Variants in SRRT observed in about 807,000 individuals in gnomAD.
SRRT encodes serrate RNA effector molecule homolog.
SRRT carries 32 observed loss-of-function variants against 103.2 expected under a neutral mutation model. That is an observed-to-expected ratio of 0.31 (90% confidence interval 0.23 to 0.42). SRRT has a LOEUF of 0.42. Among genes scored for constraint, SRRT ranks in the 10% least tolerant of loss-of-function variants. SRRT has a pLI of 1.00. For synonymous variants in SRRT, 525 were observed against 449.0 expected (o/e 1.17, Z -2.14); for missense variants, 986 against 1,207.5 (o/e 0.82, Z 2.72).
chr7:100,886,973 C>T lies in SRRT; in HGVS notation c.1821+5C>T. 1.9e-6 allele frequency: 3 copies of T among 1,609,680 alleles called. No individual in the cohort carries two copies. The highest frequency in any genetic ancestry group is 2.2e-5 in the South Asian group (2 of 90,850). On this transcript the variant is annotated splice_donor_5th_base_variant and intron_variant, in intron 14 of 19. Transcript: ENST00000611405. ...CGGGATGAGAAGTTGATTAAGGTGC[C>T]AGTGGCAGCGCGGGGCACGTGGGGG...
chr7:100,884,277 CATGGGG>C (rs1563018701), intron 6 of SRRT, 38 bp downstream of exon 6: 1 of 1,613,770 alleles, frequency 6.2e-7, no homozygotes, highest in East Asian at 2.2e-5. Flanking sequence ...ATCTGGGCCC[CATGGGG>C]GTGGGGGTGT....
Position 100,888,369 on chromosome 7 carries a change from G to A in SRRT, c.2541G>A (p.Gly847=), listed in dbSNP as rs773302361. ...TCCGAGGCCAGGGAGGTTATCCTGG[G>A]AAACCTCGCAACAGGTGAGGAGGGC... ...DAFRGQGGYP[G]KPRNRMVRGD... The change falls in exon 19 of 20, where the codon GGG becomes GGA. Residue 847 remains glycine (G), a synonymous_variant. Transcript: ENST00000611405. 4 of 1,613,862 alleles carry A rather than the reference G, an allele frequency of 2.5e-6. No individual in the cohort carries two copies. The African/African-American group carries it at 4.0e-5, about 16-fold the overall frequency.
rs1229967805 is a variant in SRRT at position 100,884,815 on chromosome 7, G to A, written c.1018G>A (p.Asp340Asn). The change falls in exon 8 of 20, where the codon GAC (aspartate) becomes AAC (asparagine). Residue 340 changes from aspartate (D) to asparagine (N), a missense_variant. Asp to Asn is a conservative substitution (Grantham distance 23). Coordinates refer to ENST00000611405, the MANE Select transcript of SRRT (RefSeq NM_015908.6). ...GDGDKEEKKE[D>N]SEKEAKKSSK... is the part of the protein sequence containing the mutation. ...TGGGGACAAGGAAGAGAAGAAAGAA[G>A]ACTCCGAGAAGGAAGCCAAAAAGGT... The A allele has an allele frequency of 6.2e-7, 1 of 1,614,030 alleles. No homozygotes were observed. Among genetic ancestry groups the A allele is most frequent in the South Asian group, 1.1e-5 (1 of 91,072 alleles).
intron 13 of SRRT, 123 bp downstream of exon 13, chr7:100,886,558 C>A: frequency 1.8e-6 from 2 of 1,118,264 alleles, no homozygotes; most frequent in South Asian, 3.1e-5. Context: ...ACTCATTTGC[C>A]CCTTCGTGTG....
chr7:100,887,402 G>C lies in SRRT; in HGVS notation c.2058G>C (p.Gln686His). The C allele has an allele frequency of 6.2e-7, 1 of 1,614,236 alleles. No individual in the cohort carries two copies. Among genetic ancestry groups the C allele is most frequent in the African/African-American group, 1.3e-5 (1 of 75,060 alleles). Residue 686 changes from glutamine (Q) to histidine (H), a missense_variant, in exon 16 of 20, where the codon CAG (glutamine) becomes CAC (histidine). By Grantham distance (24) the Gln-to-His change is conservative. Coordinates refer to ENST00000611405, the MANE Select transcript of SRRT (RefSeq NM_015908.6). This position sits in a 1 kb window ranked among gnomAD's most constrained non-coding sequence, Gnocchi z 4.1. ...AGTCACTCTCAGAGGAAGAGGCCCA[G>C]AAGATGGGGCGCAAAGACCCAGAGC... ...VRESLSEEEA[Q>H]KMGRKDPEQE...
chr7:100,875,554 G>T lies in SRRT; in HGVS notation c.-18-19G>T. On this transcript the variant is annotated intron_variant, in intron 1 of 19. Transcript: ENST00000611405. ...CTCGTCCTTTTGCACCACTCCTACC[G>T]CCTCTCCCCGGTCCCCAGGCCCCCT... The T allele has an allele frequency of 2.5e-5, 40 of 1,612,146 alleles. No individual in the cohort carries two copies. Among genetic ancestry groups the T allele is most frequent in the Non-Finnish European group, 3.1e-5 (37 of 1,178,918 alleles).
In SRRT at chr7:100,885,270, A is replaced by ACGCCGCGGGGCT; in HGVS notation, c.1218_1229dup (p.Ala407_Leu410dup). 1 of 1,614,146 alleles carries ACGCCGCGGGGCT rather than the reference A, an allele frequency of 6.2e-7. No individual in the cohort carries two copies. On this transcript the variant is annotated inframe_insertion, in exon 10 of 20. Coordinates refer to ENST00000611405, the MANE Select transcript of SRRT (RefSeq NM_015908.6). This position sits in a 1 kb window ranked among gnomAD's most constrained non-coding sequence, Gnocchi z 4.8. ...GAAGAAGAATGGGAGAAGCCCAAGGACGCCGCGGGGCTGGAGTGCAAGCCG... is the reference window on the plus strand; with the variant it reads ...GAAGAAGAATGGGAGAAGCCCAAGGACGCCGCGGGGCTCGCCGCGGGGCTGGAGTGCAAGCCG...
Position 100,887,187 on chromosome 7 carries a change from C to T in SRRT, c.1962C>T (p.Ile654=), listed in dbSNP as rs1318668463. The T allele has an allele frequency of 6.2e-7, 1 of 1,614,214 alleles. No homozygotes were observed. Among genetic ancestry groups the T allele is most frequent in the Admixed American group, 1.7e-5 (1 of 60,026 alleles). The change falls in exon 15 of 20, where the codon ATC becomes ATT. Residue 654 remains isoleucine (I), a synonymous_variant. Transcript: ENST00000611405. The surrounding 1 kb of genome is among the most constrained non-coding windows in gnomAD (Gnocchi z 4.1). The part of the protein sequence containing the change: ...HVRGPMPPNR[I]SHGEVLEWQK... Reference sequence around the variant, plus strand: ...GGGGGCCCATGCCACCCAACCGCATCAGTCACGGGGAAGGTGAGCTCCAGG... The same window carrying T: ...GGGGGCCCATGCCACCCAACCGCATTAGTCACGGGGAAGGTGAGCTCCAGG...
At position 100,888,658 on chromosome 7, in the gene SRRT, C is replaced by T; in HGVS notation, c.*109C>T. On this transcript the variant is annotated 3_prime_UTR_variant, in exon 20 of 20. Transcript: ENST00000611405. ...GCCTTACTGCTAATAAAAGCACTTC[C>T]ACAGGGCTCCTGACTCTCGTGTGTT... is the stretch of plus-strand genomic sequence containing the variant. 3 of 1,483,862 alleles carry T rather than the reference C, an allele frequency of 2.0e-6. No homozygotes were observed. The highest frequency in any genetic ancestry group is 2.3e-5 in the South Asian group (2 of 87,502). 91.9% of individuals were successfully genotyped at this position (1,483,862 alleles called of 1,614,324 possible).
At chr7:100,883,919 G>A (rs1303231898) in intron 5 of SRRT, 151 bp from the exon 6 acceptor site, 8 of 800,570 alleles carry the variant, frequency 1.0e-5, no homozygotes, top group South Asian at 4.3e-5. Flanking sequence ...TGGTTCTAGC[G>A]CACCCCTATC....
At chr7:100,884,601 G>C in intron 7 of SRRT, 49 bp downstream of exon 7, 1 of 964,380 alleles carries the variant, frequency 1.0e-6, no homozygotes, top group Non-Finnish European at 1.5e-6. Context: ...CTGGGGGAGG[G>C]GGGCGGGTAG....
intron 2 of SRRT, among the ~76,000 whole-genome samples, chr7:100,877,132 AAAAAAGCC>A (rs1368462043): frequency 5.3e-5 from 8 of 152,012 alleles, no homozygotes; most frequent in Non-Finnish European, 8.8e-5. Context: ...GAGTTAAAAA[AAAAAAGCC>A]AGCCGGGCCC....
In SRRT at chr7:100,879,059, G is replaced by C. The variant is rs190948069; in HGVS notation, c.123-2226G>C. The stretch of plus-strand genomic sequence containing the variant: ...AACCTCCATCTTCCGGGTTCAAAAC[G>C]ATTCTCCCACCTCAGCCTCCCGAGT... On this transcript the variant is annotated intron_variant, in intron 2 of 19. Transcript: ENST00000611405. Among the ~76,000 whole-genome samples the C allele has an allele frequency of 3.9e-5, 6 of 151,992 alleles. No homozygotes were observed. The East Asian group carries it at 1.2e-3, about 29-fold the overall frequency.
chr7:100,887,329 G>C lies in SRRT; in HGVS notation c.1985G>C (p.Trp662Ser). 2 of 1,613,952 alleles carry C rather than the reference G, an allele frequency of 1.2e-6. No individual in the cohort carries two copies. Among genetic ancestry groups the C allele is most frequent in the Non-Finnish European group, 1.7e-6 (2 of 1,179,888 alleles). ...TGTTCCCAAACCACAGTGCTGGAGT[G>C]GCAGAAGACTTTTGAGGAGAAGCTC... ...NRISHGEVLEWQKTFEEKLTP... is the reference protein window; with the variant it reads ...NRISHGEVLESQKTFEEKLTP... Residue 662 changes from tryptophan to serine, a missense_variant, in exon 16 of 20, where the codon TGG (tryptophan) becomes TCG (serine). Around this residue, in one of 6 missense-constraint regions of SRRT, gnomAD observed 349 missense variants for 446.9 expected, o/e 0.78. Transcript: ENST00000611405. The surrounding 1 kb of genome is among the most constrained non-coding windows in gnomAD (Gnocchi z 4.1).
Position 100,884,418 on chromosome 7 carries a change from CAGGAGG to C in SRRT, c.820_825del (p.Glu274_Glu275del). The C allele has an allele frequency of 6.7e-7, 1 of 1,494,004 alleles. No individual in the cohort carries two copies. 92.5% of individuals were successfully genotyped at this position (1,494,004 alleles called of 1,614,324 possible). On this transcript the variant is annotated inframe_deletion, in exon 7 of 20. Transcript: ENST00000611405. ...GGAGAATGATCTTCGCATCCTGGAG[CAGGAGG>C]AGGAGGAGGAGCAGGCAGGAAAGCC...
intron 5 of SRRT, among the ~76,000 whole-genome samples, chr7:100,883,468 CCT>C (rs1491129375): frequency 3.3e-5 from 5 of 152,232 alleles, no homozygotes; most frequent in African/African-American, 1.2e-4. Context: ...TCTCTCTCCC[CCT>C]GTGGGCAGGA....
intron 5 of SRRT, among the ~76,000 whole-genome samples, chr7:100,883,357 C>T (rs1243552116): frequency 6.6e-6 from 1 of 152,138 alleles, no homozygotes; most frequent in African/African-American, 2.4e-5. Context: ...CCCTTTCCTC[C>T]CTTTCCCCTT....
At position 100,885,947 on chromosome 7, in the gene SRRT, T is replaced by C. The variant is rs1258076763; in HGVS notation, c.1458+6T>C. ...GGAACCTGCAGAACATCCGTGTGAG[T>C]GCTGGGGGTGGGACTGTGGGGAAGA... On this transcript the variant is annotated splice_donor_region_variant and intron_variant, in intron 12 of 19. Coordinates refer to ENST00000611405, the MANE Select transcript of SRRT (RefSeq NM_015908.6). This position sits in a 1 kb window ranked among gnomAD's most constrained non-coding sequence, Gnocchi z 4.8. The C allele has an allele frequency of 6.2e-7, 1 of 1,613,562 alleles. No individual in the cohort carries two copies. Among genetic ancestry groups the C allele is most frequent in the Non-Finnish European group, 8.5e-7 (1 of 1,179,912 alleles).
Position 100,885,103 on chromosome 7 carries a change from G to A in SRRT, c.1159+63G>A. ...ATGCGGGTGGGGAGGTGAGAGGTTG[G>A]CGACATTGACGGGAGGGTGGGTGGC... is the stretch of plus-strand genomic sequence containing the variant. On this transcript the variant is annotated intron_variant, in intron 9 of 19. Transcript: ENST00000611405. The surrounding 1 kb of genome is among the most constrained non-coding windows in gnomAD (Gnocchi z 4.8). 3 of 1,606,274 alleles carry A rather than the reference G, an allele frequency of 1.9e-6. No homozygotes were observed. Among genetic ancestry groups the A allele is most frequent in the Non-Finnish European group, 2.6e-6 (3 of 1,175,212 alleles).
Sources: gnomAD v4.1 joint callset for allele counts (sites outside exome capture counted in the v4.1 genomes callset) on GRCh38, gnomAD v4.1.1 for gene constraint, gnomAD v4.1.1 regional missense constraint, Gnocchi (gnomAD v3.1) non-coding constraint, MANE v1.5 for transcripts, NCBI Gene and HGNC (gene_info 2026-07-23, HGNC 2026-07-21) for gene names.